Variants in LAMA1 observed in about 807,000 individuals in gnomAD.
The protein encoded by LAMA1 is laminin subunit alpha-1.
LAMA1 carries 219 observed loss-of-function variants against 348.7 expected under a neutral mutation model. The observed-to-expected ratio is 0.63, with a 90% CI of 0.56 to 0.70. The LOEUF is 0.70. Ranked by LOEUF, LAMA1 falls within the 30% of genes least tolerant of loss-of-function variation. LAMA1 has a pLI of 0.00. For synonymous variants in LAMA1, 1,487 were observed against 1,491.0 expected, an observed-to-expected ratio of 1.00 and a Z score of 0.06; for missense variants, 3,744 against 3,888.0, an observed-to-expected ratio of 0.96 and a Z score of 0.99.
At position 7,034,613 on chromosome 18, in the gene LAMA1, T is replaced by C. The variant is rs777641464; in HGVS notation, c.1917A>G (p.Arg639=). The C allele has an allele frequency of 1.9e-6, 3 of 1,614,216 alleles. No homozygotes were observed. Among genetic ancestry groups the C allele is most frequent in the Admixed American group, 1.7e-5 (1 of 60,026 alleles). The change falls in exon 14 of 63, where the codon AGA becomes AGG. Residue 639 remains arginine (R), a synonymous_variant. Coordinates refer to ENST00000389658, the MANE Select transcript of LAMA1 (RefSeq NM_005559.4). ...AATCTTGGAAGTTTTCAGGCACAAG[T>C]CTAACCACGTTTAGGTACTCTTCAT... ...QPYEEYLNVV[R]LVPENFQDFH...
In LAMA1 at chr18:7,023,280, T is replaced by C. The variant is rs1399986280; in HGVS notation, c.2585A>G (p.His862Arg). 6.2e-7 allele frequency: 1 copy of C among 1,614,014 alleles called. No homozygotes were observed. The highest frequency in any genetic ancestry group is 1.7e-5 in the Admixed American group (1 of 60,002). ...GCACTCCCCGGTGACTGAGTCACAG[T>C]GACCAGCCTCCGAGGGGTCCACGTT... is the stretch of plus-strand genomic sequence containing the variant. ...SGNVDPSEAG[H>R]CDSVTGECLK... The change falls in exon 19 of 63, where the codon CAC (histidine) becomes CGC (arginine). Residue 862 changes from histidine (H) to arginine (R), a missense_variant. By Grantham distance (29) the His-to-Arg change is conservative. Transcript: ENST00000389658.
chr18:7,103,761 T>C (rs918138143), intron 1 of LAMA1, among the ~76,000 whole-genome samples: 6 of 149,082 alleles, frequency 4.0e-5, no homozygotes, highest in Admixed American at 6.7e-5. Context: ...GGAGGTTGCA[T>C]TGAGCCGAGA....
chr18:7,023,741 A>C (rs9966057), intron 18 of LAMA1, among the ~76,000 whole-genome samples: 1 of 152,192 alleles, frequency 6.6e-6, no homozygotes, highest in African/African-American at 2.4e-5. Flanking sequence ...GACGGCTACT[A>C]AAGCAAACCA....
chr18:7,043,147 CA>C, intron 8 of LAMA1, 79 bp downstream of exon 8: 1 of 1,373,430 alleles, frequency 7.3e-7, no homozygotes, highest in Non-Finnish European at 1.0e-6. Flanking sequence ...GTCTCCAATA[CA>C]GAGGTTAAGA....
At chr18:7,062,330 G>A (rs571340550) in intron 3 of LAMA1, among the ~76,000 whole-genome samples, 1 of 152,178 alleles carries the variant, frequency 6.6e-6, no homozygotes, top group Non-Finnish European at 1.5e-5. Context: ...AGATGTCCAG[G>A]TAACTGGAGC....
intron 22 of LAMA1, among the ~76,000 whole-genome samples, chr18:7,014,625 G>A (rs1003185694): frequency 2.0e-5 from 3 of 150,308 alleles, no homozygotes; most frequent in Non-Finnish European, 4.4e-5. Context: ...GGGTGACAGA[G>A]TAAGATCCTG....
intron 3 of LAMA1, among the ~76,000 whole-genome samples, chr18:7,072,146 C>G (rs1441814324): frequency 6.6e-6 from 1 of 152,166 alleles, no homozygotes; most frequent in Non-Finnish European, 1.5e-5. Context: ...TAATTATTGA[C>G]TTATGAATTT....
Position 7,040,077 on chromosome 18 carries a change from T to G in LAMA1, c.1421A>C (p.Lys474Thr). 1 of 1,613,956 alleles carries G rather than the reference T, an allele frequency of 6.2e-7. No homozygotes were observed. Among genetic ancestry groups the G allele is most frequent in the Non-Finnish European group, 8.5e-7 (1 of 1,180,000 alleles). ...GGTGTCTCTGACCTCCCCACTTACC[T>G]TACAAACACAGGGCCCTGTGCAGGG... The part of the protein sequence containing the change: ...DEPCTGPCVC[K>T]ENVEGKACDR... Residue 474 changes from lysine (K) to threonine (T), a missense_variant and splice_region_variant, in exon 10 of 63, where the codon AAG becomes ACG. Around this residue, in one of 3 missense-constraint regions of LAMA1, gnomAD observed 1,529 missense variants for 1,689.4 expected, o/e 0.91. Transcript: ENST00000389658.
chr18:6,968,633 TA>T (rs1423543496), intron 48 of LAMA1, among the ~76,000 whole-genome samples: 2 of 152,192 alleles, frequency 1.3e-5, no homozygotes, highest in African/African-American at 4.8e-5. Flanking sequence ...GCCTGTTAAT[TA>T]AATAAAGGGT....
At chr18:6,992,741 T>TTATTTAATAAGCCTCTCAAAAGTGGCTAG in intron 35 of LAMA1, 21 bp from the exon 36 acceptor site, 1 of 1,602,490 alleles carries the variant, frequency 6.2e-7, no homozygotes, top group Non-Finnish European at 8.5e-7. Context: ...AATTCATCAA[T>TTATTTAATAAGCCTCTCAAAAGTGGCTAG]TATTTAATAA....
intron 39 of LAMA1, 119 bp from the exon 40 acceptor site, chr18:6,983,353 A>G: frequency 9.7e-7 from 1 of 1,028,268 alleles, no homozygotes; most frequent in Non-Finnish European, 1.5e-6. Context: ...TCCCCTTAGA[A>G]GAGTATCATC....
chr18:6,958,350 T>A, intron 55 of LAMA1, 127 bp downstream of exon 55: 1 of 904,336 alleles, frequency 1.1e-6, no homozygotes, highest in South Asian at 1.4e-5. Context: ...ACAATGGGGT[T>A]CACTCATTAT....
chr18:7,043,127 T>A, intron 8 of LAMA1, 100 bp downstream of exon 8: 1 of 1,117,336 alleles, frequency 8.9e-7, no homozygotes, highest in Non-Finnish European at 1.4e-6. Context: ...ATAAATGAAA[T>A]ATTACAAAAG....
intron 1 of LAMA1, among the ~76,000 whole-genome samples, chr18:7,088,899 G>A (rs962032076): frequency 6.6e-6 from 1 of 152,064 alleles, no homozygotes; most frequent in Non-Finnish European, 1.5e-5. Flanking sequence ...CCCAGCTTCT[G>A]GGGAGACTGA....
rs759415734 is a variant in LAMA1, at chr18:7,050,797, C to A, written c.485G>T (p.Arg162Leu). The A allele has an allele frequency of 1.2e-6, 2 of 1,614,156 alleles. No homozygotes were observed. The highest frequency in any genetic ancestry group is 1.7e-5 in the Admixed American group (1 of 60,010). Residue 162 changes from arginine (R) to leucine (L), a missense_variant, in exon 4 of 63, where the codon CGT becomes CTT. Around this residue, in one of 3 missense-constraint regions of LAMA1, gnomAD observed 1,529 missense variants for 1,689.4 expected, o/e 0.91. Transcript: ENST00000389658. ...CCCTCGTCTTGGAGTTATATTGTAA[C>A]GAGACAAACACTCTGAGTCGCTGAC... is the stretch of plus-strand genomic sequence containing the variant. ...YAVSDSECLSRYNITPRRGPP... is the reference protein window; with the variant it reads ...YAVSDSECLSLYNITPRRGPP...
In LAMA1 at chr18:6,997,935, T is replaced by C. The variant is rs762572895; in HGVS notation, c.4664-51A>G. 3.8e-6 allele frequency: 6 copies of C among 1,571,636 alleles called. No individual in the cohort carries two copies. In the South Asian group the frequency reaches 5.5e-5, roughly 15 times the overall value. On this transcript the variant is annotated intron_variant, in intron 32 of 62. Coordinates refer to ENST00000389658, the MANE Select transcript of LAMA1 (RefSeq NM_005559.4). Reference sequence around the variant, plus strand: ...GAGTTAAAGTTAATGCGATGTGGTCTGCCCATTTTTTCATGGAGTTGCGCA... The same window carrying C: ...GAGTTAAAGTTAATGCGATGTGGTCCGCCCATTTTTTCATGGAGTTGCGCA...
intron 13 of LAMA1, among the ~76,000 whole-genome samples, 177 bp from the exon 14 acceptor site, chr18:7,034,867 T>C (rs563443745): frequency 1.3e-5 from 2 of 152,338 alleles, no homozygotes; most frequent in East Asian, 1.9e-4. Context: ...AGGTGTTTCA[T>C]TGTATTATTT....
intron 16 of LAMA1, among the ~76,000 whole-genome samples, chr18:7,027,574 GA>G (rs370079888): frequency 0.069 from 9,902 of 144,008 alleles, 1,132 homozygotes; most frequent in African/African-American, 0.24. Flanking sequence ...ACAATCAGGG[GA>G]AAAAAAAAAC....
At chr18:6,977,604 G>C in intron 44 of LAMA1, 123 bp downstream of exon 44, 1 of 1,070,140 alleles carries the variant, frequency 9.3e-7, no homozygotes, top group South Asian at 1.5e-5. Flanking sequence ...CCAGATTATT[G>C]GGATCTGGGT....
Sources: gnomAD v4.1 joint callset for allele counts (sites outside exome capture counted in the v4.1 genomes callset) on GRCh38, gnomAD v4.1.1 for gene constraint, gnomAD v4.1.1 regional missense constraint, MANE v1.5 for transcripts, NCBI Gene and HGNC (gene_info 2026-07-23, HGNC 2026-07-21) for gene names.